PDE4D: variants seen among roughly 807,000 people sequenced by gnomAD.
PDE4D encodes 3',5'-cyclic-AMP phosphodiesterase 4D.
In PDE4D, 24 loss-of-function variants were observed where a neutral mutation model predicts 87.4. The observed-to-expected ratio is 0.27, with a 90% confidence interval of 0.20 to 0.39. The LOEUF (loss-of-function observed/expected upper bound fraction) is 0.39. Ranked by LOEUF, PDE4D falls within the 10% of genes least tolerant of loss-of-function variation. PDE4D has a pLI of 1.00. For synonymous variants in PDE4D, 384 were observed against 383.2 expected, an observed-to-expected ratio of 1.00 and a Z score of -0.02; for missense variants, 714 against 1,041.0, an observed-to-expected ratio of 0.69 and a Z score of 4.32.
chr5:60,096,030 C>G (rs1354495385), intron 2 of PDE4D, among the ~76,000 whole-genome samples: 1 of 152,034 alleles, frequency 6.6e-6, no homozygotes, highest in South Asian at 2.1e-4. Flanking sequence ...AAATTTTCTC[C>G]CATTCTGTAG....
intron 6 of PDE4D, among the ~76,000 whole-genome samples, chr5:59,026,787 CT>C (rs1756332524): frequency 6.6e-6 from 1 of 152,056 alleles, no homozygotes; most frequent in South Asian, 2.1e-4. Context: ...TGGCTTCGAT[CT>C]TTTAAATAAA....
intron 6 of PDE4D, among the ~76,000 whole-genome samples, chr5:59,030,683 A>T (rs780748280): frequency 1.3e-5 from 2 of 152,134 alleles, no homozygotes; most frequent in Non-Finnish European, 2.9e-5. Flanking sequence ...GTGAGACATG[A>T]TCACGCCACT....
intron 4 of PDE4D, 143 bp from the exon 5 acceptor site, chr5:59,180,787 C>CA (rs1741339232): frequency 1.3e-6 from 1 of 768,108 alleles, no homozygotes; most frequent in Non-Finnish European, 2.2e-6. Context: ...TCAGACTAGC[C>CA]AGACAAGTCC....
chr5:59,208,888 C>T (rs374712683), intron 2 of PDE4D, among the ~76,000 whole-genome samples: 266 of 152,188 alleles, frequency 1.7e-3, no homozygotes, highest in African/African-American at 6.0e-3. Context: ...TGCCAATAAA[C>T]TTCTTGAGAT....
At chr5:60,325,595 G>T (rs1380760476) in intron 1 of PDE4D, among the ~76,000 whole-genome samples, 1 of 152,112 alleles carries the variant, frequency 6.6e-6, no homozygotes, top group Admixed American at 6.5e-5. Flanking sequence ...TGACTCTCTT[G>T]TACTTTATTT....
intron 1 of PDE4D, among the ~76,000 whole-genome samples, chr5:59,818,888 A>C (rs1249015259): frequency 6.6e-6 from 1 of 152,046 alleles, no homozygotes; most frequent in African/African-American, 2.4e-5. Flanking sequence ...AAAACACAAG[A>C]AATAGAGTAG....
chr5:59,730,102 C>T (rs111610622), intron 1 of PDE4D, among the ~76,000 whole-genome samples: 14 of 152,148 alleles, frequency 9.2e-5, no homozygotes, highest in South Asian at 4.2e-4. Context: ...GAACCTTGCT[C>T]TATCACAATA....
chr5:59,747,054 C>T (rs181708989), intron 1 of PDE4D, among the ~76,000 whole-genome samples: 18 of 152,330 alleles, frequency 1.2e-4, no homozygotes, highest in Admixed American at 3.9e-4. Context: ...TTTCCTCCCA[C>T]GGTCTCCCAG....
rs368927941 is a variant in PDE4D, at chr5:60,466,608, A to G, written c.-90+21334T>C. Among the ~76,000 whole-genome samples the G allele has an allele frequency of 3.0e-4, 45 of 152,346 alleles. 1 individual carries two copies. In the South Asian group the frequency reaches 4.1e-3, roughly 14 times the overall value. Reference sequence around the variant, plus strand: ...CCACAAGAGAGAAATTTTGTATTGAATCTAAGTCAGGAGCAATTCAATGAG... The same window carrying G: ...CCACAAGAGAGAAATTTTGTATTGAGTCTAAGTCAGGAGCAATTCAATGAG... On this transcript the variant is annotated intron_variant, in intron 1 of 16. Transcript: ENST00000502484.
intron 5 of PDE4D, among the ~76,000 whole-genome samples, chr5:59,070,592 A>G (rs1037151297): frequency 6.6e-6 from 1 of 152,192 alleles, no homozygotes; most frequent in Non-Finnish European, 1.5e-5. Context: ...ACTTAGATTG[A>G]TAGTCATTGT....
chr5:60,259,246 C>T (rs1007038300), intron 1 of PDE4D, among the ~76,000 whole-genome samples: 2 of 151,942 alleles, frequency 1.3e-5, no homozygotes, highest in African/African-American at 4.8e-5. Context: ...GGTAATGGAA[C>T]AGCAAAGTAG....
intron 1 of PDE4D, among the ~76,000 whole-genome samples, chr5:60,208,058 A>G (rs1248523702): frequency 6.6e-6 from 1 of 152,254 alleles, no homozygotes; most frequent in East Asian, 1.9e-4. Flanking sequence ...CCATGCATGC[A>G]AAATACAGCA....
At chr5:60,283,522 A>G (rs1752138291) in intron 1 of PDE4D, among the ~76,000 whole-genome samples, 1 of 152,180 alleles carries the variant, frequency 6.6e-6, no homozygotes, top group Non-Finnish European at 1.5e-5. Context: ...TTGGCATTAA[A>G]TGTTTTAAAA....
chr5:58,973,580 C>T lies in PDE4D; in HGVS notation c.*1084G>A, dbSNP rs1447321994. 1 of 152,524 alleles carries T rather than the reference C, an allele frequency of 6.6e-6. No homozygotes were observed. Among genetic ancestry groups the T allele is most frequent in the African/African-American group, 2.4e-5 (1 of 41,410 alleles). 9.4% of individuals were successfully genotyped at this position (152,524 alleles called of 1,614,324 possible). A position where few individuals can be genotyped will look rare whatever the true frequency, so the allele number is the denominator to read the frequency against. On this transcript the variant is annotated 3_prime_UTR_variant, in exon 15 of 15. Coordinates refer to ENST00000340635, the MANE Select transcript of PDE4D (RefSeq NM_001104631.2). Reference sequence around the variant, plus strand: ...AGGAAAACATCTAAAAAAGACTGACCATTTTAGCTACTGGGTATTTATATA... The same window carrying T: ...AGGAAAACATCTAAAAAAGACTGACTATTTTAGCTACTGGGTATTTATATA...
intron 1 of PDE4D, among the ~76,000 whole-genome samples, chr5:60,470,040 G>C (rs1423409351): frequency 6.6e-6 from 1 of 152,156 alleles, no homozygotes; most frequent in East Asian, 1.9e-4. Flanking sequence ...AGTTAGCCAA[G>C]GTGTGAATGT....
At chr5:59,873,446 C>T (rs1341467624) in intron 1 of PDE4D, among the ~76,000 whole-genome samples, 1 of 152,132 alleles carries the variant, frequency 6.6e-6, no homozygotes, top group African/African-American at 2.4e-5. Context: ...TTTGCCACTC[C>T]AACTATGCAG....
chr5:59,286,481 A>ATT (rs984379510), intron 1 of PDE4D, among the ~76,000 whole-genome samples: 1 of 152,182 alleles, frequency 6.6e-6, no homozygotes, highest in Non-Finnish European at 1.5e-5. Flanking sequence ...TCAATAGGAA[A>ATT]TTTTTTAAAA....
intron 1 of PDE4D, among the ~76,000 whole-genome samples, chr5:59,594,363 C>T (rs1230579502): frequency 6.6e-6 from 1 of 151,378 alleles, no homozygotes; most frequent in Non-Finnish European, 1.5e-5. Flanking sequence ...TCTTGTAGCT[C>T]AGGCTGGAAT....
intron 1 of PDE4D, among the ~76,000 whole-genome samples, chr5:59,869,010 G>T (rs561157093): frequency 6.6e-6 from 1 of 152,236 alleles, no homozygotes; most frequent in East Asian, 1.9e-4. Flanking sequence ...AATAACAGTA[G>T]TTTATCCTTT....
Sources: allele counts gnomAD v4.1 joint callset (sites outside exome capture counted in the v4.1 genomes callset), GRCh38; gene constraint gnomAD v4.1.1; transcripts MANE v1.5; gene names NCBI Gene and HGNC (gene_info 2026-07-23, HGNC 2026-07-21).